The following OPCML variants were observed in gnomAD, a reference collection of about 807,000 sequenced individuals.
The protein encoded by OPCML is opioid-binding protein/cell adhesion molecule.
A neutral mutation model predicts 37.8 loss-of-function variants in OPCML; 13 were observed. That is an observed-to-expected ratio of 0.34 (90% CI 0.22 to 0.55). The LOEUF (loss-of-function observed/expected upper bound fraction) is 0.55, where lower values mean the gene tolerates loss of function less well. Among genes scored for constraint, OPCML ranks in the 20% least tolerant of loss-of-function variants. The pLI is 0.91. For synonymous variants in OPCML, 176 were observed against 168.8 expected, an observed-to-expected ratio of 1.04 and a Z score of -0.33; for missense variants, 341 against 435.6, an observed-to-expected ratio of 0.78 and a Z score of 1.93.
intron 1 of OPCML, among the ~76,000 whole-genome samples, chr11:132,971,301 C>T (rs1297655586): frequency 2.6e-5 from 4 of 152,178 alleles, no homozygotes; most frequent in Admixed American, 2.6e-4. Flanking sequence ...GGCTTTCATA[C>T]AGTTTGCTGT....
At chr11:133,376,696 T>C (rs1026932043) in intron 1 of OPCML, among the ~76,000 whole-genome samples, 4 of 152,234 alleles carry the variant, frequency 2.6e-5, no homozygotes, top group Non-Finnish European at 5.9e-5. Flanking sequence ...TTCTAAATTT[T>C]CTCCATTAAA....
chr11:133,365,097 C>A (rs1241506531), intron 1 of OPCML, among the ~76,000 whole-genome samples: 1 of 151,730 alleles, frequency 6.6e-6, no homozygotes, highest in African/African-American at 2.4e-5. Flanking sequence ...TATACCCATT[C>A]TGCCCCTGGG....
intron 4 of OPCML, among the ~76,000 whole-genome samples, chr11:132,452,274 CAG>C (rs2096070224): frequency 6.6e-6 from 1 of 152,206 alleles, no homozygotes; most frequent in South Asian, 2.1e-4. Context: ...AACAAGCAAA[CAG>C]AGTCTAGGCT....
intron 4 of OPCML, among the ~76,000 whole-genome samples, chr11:132,482,636 A>G (rs1332463708): frequency 6.6e-6 from 1 of 152,230 alleles, no homozygotes; most frequent in Non-Finnish European, 1.5e-5. Flanking sequence ...ATTTTAGACC[A>G]ATATCCTTGA....
chr11:132,954,570 G>A (rs1945937042), intron 1 of OPCML, among the ~76,000 whole-genome samples: 1 of 152,168 alleles, frequency 6.6e-6, no homozygotes, highest in Non-Finnish European at 1.5e-5. Flanking sequence ...CTGAGTAGAG[G>A]GCAGGGCGTT....
rs138139881 is a variant in OPCML, at chr11:132,548,706, C to A, written c.380-19520G>T. ...TAACTCCCAAAAACCAAGTGAACTA[C>A]TTGAAGGCTGGACCCAAGTTAAATT... On this transcript the variant is annotated intron_variant, in intron 3 of 7. Transcript: ENST00000524381. Among the ~76,000 whole-genome samples, 220 of 152,270 alleles carry A rather than the reference C, an allele frequency of 1.4e-3. 2 individuals are homozygous for A. Among genetic ancestry groups the A allele is most frequent in the African/African-American group, 5.0e-3 (206 of 41,570 alleles).
At chr11:132,888,638 T>C (rs577847110) in intron 2 of OPCML, among the ~76,000 whole-genome samples, 1 of 152,074 alleles carries the variant, frequency 6.6e-6, no homozygotes, top group Non-Finnish European at 1.5e-5. Context: ...TTCGTTTGTT[T>C]GTTTGGCTTT....
intron 2 of OPCML, among the ~76,000 whole-genome samples, chr11:132,823,493 T>C (rs1286162712): frequency 6.6e-6 from 1 of 151,996 alleles, no homozygotes; most frequent in Non-Finnish European, 1.5e-5. Context: ...GCTGTGGCCA[T>C]CGCCTGTCTT....
chr11:132,798,642 G>A (rs1272224558), intron 2 of OPCML, among the ~76,000 whole-genome samples: 1 of 152,188 alleles, frequency 6.6e-6, no homozygotes, highest in Non-Finnish European at 1.5e-5. Flanking sequence ...AGTTGGAATA[G>A]ACTTCCAAGC....
At chr11:133,455,563 G>A (rs960799079) in intron 1 of OPCML, among the ~76,000 whole-genome samples, 1 of 152,198 alleles carries the variant, frequency 6.6e-6, no homozygotes, top group African/African-American at 2.4e-5. Context: ...TGTTCCCAGT[G>A]CTGCTTGTCC....
chr11:132,608,415 G>T (rs1938439007), intron 3 of OPCML, among the ~76,000 whole-genome samples: 1 of 152,134 alleles, frequency 6.6e-6, no homozygotes, highest in Non-Finnish European at 1.5e-5. Context: ...AACACTGGAG[G>T]CTGTTCAAAC....
chr11:133,440,483 T>C (rs1011047110), intron 1 of OPCML, among the ~76,000 whole-genome samples: 194 of 151,406 alleles, frequency 1.3e-3, no homozygotes, highest in African/African-American at 4.5e-3. Flanking sequence ...TCCCAGCACT[T>C]TGGGAGGCCG....
intron 2 of OPCML, among the ~76,000 whole-genome samples, chr11:132,736,898 T>C (rs1023005919): frequency 2.0e-5 from 3 of 152,184 alleles, no homozygotes; most frequent in African/African-American, 7.2e-5. Context: ...CTATTATGAT[T>C]ATTTTAAGAT....
intron 2 of OPCML, among the ~76,000 whole-genome samples, chr11:132,808,439 C>T (rs1357751819): frequency 2.0e-5 from 3 of 152,170 alleles, no homozygotes; most frequent in African/African-American, 7.2e-5. Flanking sequence ...GAGATTGATA[C>T]ATCTAAAATG....
intron 2 of OPCML, among the ~76,000 whole-genome samples, chr11:132,757,107 A>G (rs1946078235): frequency 6.6e-6 from 1 of 152,162 alleles, no homozygotes; most frequent in Non-Finnish European, 1.5e-5. Flanking sequence ...AGCTTCATCC[A>G]TGTCCCTCCA....
intron 1 of OPCML, among the ~76,000 whole-genome samples, chr11:133,386,026 C>T (rs1375345655): frequency 6.6e-6 from 1 of 152,146 alleles, no homozygotes; most frequent in Non-Finnish European, 1.5e-5. Flanking sequence ...TCATCTTAAA[C>T]CATCACAAGA....
chr11:133,316,552 G>A (rs1943209574), intron 1 of OPCML, among the ~76,000 whole-genome samples: 1 of 152,058 alleles, frequency 6.6e-6, no homozygotes, highest in Non-Finnish European at 1.5e-5. Context: ...GATGGGTGCA[G>A]CAAACCACCA....
chr11:132,706,805 AT>A, intron 2 of OPCML, among the ~76,000 whole-genome samples: 1 of 152,212 alleles, frequency 6.6e-6, no homozygotes. Flanking sequence ...AGTTCATCTA[AT>A]TAGGGGTTTA....
intron 2 of OPCML, among the ~76,000 whole-genome samples, chr11:132,919,866 G>A (rs1944732673): frequency 6.6e-6 from 1 of 152,206 alleles, no homozygotes; most frequent in Non-Finnish European, 1.5e-5. Context: ...ATGAAAGAAT[G>A]GATAAATAAA....
Sources: gnomAD v4.1 joint callset for allele counts (sites outside exome capture counted in the v4.1 genomes callset) on GRCh38, gnomAD v4.1.1 for gene constraint, MANE v1.5 for transcripts, NCBI Gene and HGNC (gene_info 2026-07-23, HGNC 2026-07-21) for gene names.